DOCK2: variants seen among roughly 807,000 people sequenced by gnomAD.
DOCK2 encodes the protein dedicator of cytokinesis 2.
In DOCK2, 87 loss-of-function variants were observed where a neutral mutation model predicts 248.9. That is an observed-to-expected ratio of 0.35 (90% CI 0.29 to 0.42). The LOEUF is 0.42. Among genes scored for constraint, DOCK2 ranks in the 10% least tolerant of loss-of-function variants. The pLI is 1.00. For synonymous variants in DOCK2, 805 were observed against 821.6 expected, an observed-to-expected ratio of 0.98 and a Z score of 0.35; for missense variants, 1,747 against 2,300.2, an observed-to-expected ratio of 0.76 and a Z score of 4.92.
At chr5:169,830,571 C>T (rs1301771694) in intron 26 of DOCK2, among the ~76,000 whole-genome samples, 1 of 152,160 alleles carries the variant, frequency 6.6e-6, no homozygotes, top group Non-Finnish European at 1.5e-5. Context: ...ATAAGTGTCT[C>T]CAACCAGCCT....
chr5:169,647,912 G>A (rs778411400), intron 1 of DOCK2, among the ~76,000 whole-genome samples: 4 of 152,168 alleles, frequency 2.6e-5, no homozygotes, highest in Non-Finnish European at 5.9e-5. Context: ...AAGCTCAGGA[G>A]AGCAGGAGCC....
At chr5:169,698,957 CA>C (rs1344542293) in intron 11 of DOCK2, among the ~76,000 whole-genome samples, 8 of 152,122 alleles carry the variant, frequency 5.3e-5, no homozygotes, top group African/African-American at 1.9e-4. Context: ...TCTCCTGTTC[CA>C]AAAGGAGTCT....
chr5:169,728,635 C>T (rs1312745499), intron 22 of DOCK2, among the ~76,000 whole-genome samples: 1 of 152,174 alleles, frequency 6.6e-6, no homozygotes, highest in Non-Finnish European at 1.5e-5. Context: ...AACCCTTTCC[C>T]AGAGCTTAGC....
At chr5:169,674,211 C>G (rs1258582172) in intron 5 of DOCK2, 86 bp from the exon 6 acceptor site, 1 of 1,542,168 alleles carries the variant, frequency 6.5e-7, no homozygotes, top group Non-Finnish European at 8.8e-7. Flanking sequence ...CCCTTGACCA[C>G]ACTCACCTGA....
At chr5:169,788,915 G>T (rs1338429000) in intron 25 of DOCK2, among the ~76,000 whole-genome samples, 1 of 152,114 alleles carries the variant, frequency 6.6e-6, no homozygotes, top group African/African-American at 2.4e-5. Context: ...ATGGGGATTT[G>T]TTATGCAGAT....
chr5:170,013,477 C>A (rs540096356), intron 32 of DOCK2, among the ~76,000 whole-genome samples: 2 of 151,956 alleles, frequency 1.3e-5, no homozygotes, highest in African/African-American at 4.8e-5. Flanking sequence ...AGGTGAAAAA[C>A]GGAAGCTGGA....
At chr5:169,717,598 C>T in intron 21 of DOCK2, 114 bp downstream of exon 21, 2 of 922,194 alleles carry the variant, frequency 2.2e-6, no homozygotes, top group Non-Finnish European at 3.5e-6. Flanking sequence ...TGTGAGCTCT[C>T]CATTCTCTAA....
At chr5:170,066,777 A>T (rs1362980647) in intron 44 of DOCK2, among the ~76,000 whole-genome samples, 2 of 152,200 alleles carry the variant, frequency 1.3e-5, no homozygotes, top group East Asian at 1.9e-4. Context: ...TGGAACAGCC[A>T]TTCTCATTCA....
intron 27 of DOCK2, among the ~76,000 whole-genome samples, chr5:169,902,409 A>C (rs986301606): frequency 6.6e-6 from 1 of 152,228 alleles, no homozygotes; most frequent in African/African-American, 2.4e-5. Context: ...TTGCCAAGCC[A>C]CCACAGTAGT....
intron 27 of DOCK2, among the ~76,000 whole-genome samples, chr5:169,843,808 A>G (rs168678): frequency 0.42 from 64,323 of 152,012 alleles, 14,013 homozygotes; most frequent in East Asian, 0.64. Flanking sequence ...CATACAATTC[A>G]AGGTCATTTG....
At chr5:169,812,481 A>G (rs968009350) in intron 26 of DOCK2, among the ~76,000 whole-genome samples, 1 of 152,200 alleles carries the variant, frequency 6.6e-6, no homozygotes, top group African/African-American at 2.4e-5. Context: ...GGTAAATGTA[A>G]TGCACTTGAA....
intron 27 of DOCK2, among the ~76,000 whole-genome samples, chr5:169,965,333 C>G (rs1361688152): frequency 1.3e-5 from 2 of 152,224 alleles, no homozygotes; most frequent in Non-Finnish European, 2.9e-5. Flanking sequence ...GATGCTAATG[C>G]TGCTGGTCCA....
At chr5:169,942,378 T>A (rs1015130838) in intron 27 of DOCK2, among the ~76,000 whole-genome samples, 1 of 152,206 alleles carries the variant, frequency 6.6e-6, no homozygotes, top group Non-Finnish European at 1.5e-5. Flanking sequence ...TATGTAAAGA[T>A]GCCCAGAAAC....
At chr5:169,811,430 A>C (rs997426984) in intron 26 of DOCK2, among the ~76,000 whole-genome samples, 3 of 152,204 alleles carry the variant, frequency 2.0e-5, no homozygotes, top group Non-Finnish European at 4.4e-5. Context: ...AAAGGCAGGG[A>C]GACAAGGCTT....
chr5:169,861,191 T>C (rs944051076), intron 27 of DOCK2, among the ~76,000 whole-genome samples: 3 of 152,182 alleles, frequency 2.0e-5, no homozygotes, highest in African/African-American at 7.2e-5. Context: ...CTTAGAAATA[T>C]ATAGAAGCAA....
At chr5:170,031,985 T>C (rs976702675) in intron 34 of DOCK2, among the ~76,000 whole-genome samples, 2 of 152,032 alleles carry the variant, frequency 1.3e-5, no homozygotes, top group South Asian at 2.1e-4. Flanking sequence ...GTGATCCCCA[T>C]GCACATGGAA....
chr5:169,651,593 G>T (rs1207347034), intron 1 of DOCK2, among the ~76,000 whole-genome samples: 3 of 152,132 alleles, frequency 2.0e-5, no homozygotes, highest in Non-Finnish European at 4.4e-5. Flanking sequence ...AGCCTCAGTT[G>T]CTTCCACCAT....
At chr5:169,710,105 T>C (rs1163211654) in intron 15 of DOCK2, among the ~76,000 whole-genome samples, 1 of 152,230 alleles carries the variant, frequency 6.6e-6, no homozygotes, top group Non-Finnish European at 1.5e-5. Flanking sequence ...GTCATGAACA[T>C]ACTGGAGGGA....
In DOCK2 at chr5:170,045,846, G is replaced by T. The variant is rs1561896025; in HGVS notation, c.3907G>T (p.Glu1303Ter). ...MWEEAISLCKELAEQYEMEIF... is the reference protein window; with the variant it reads ...MWEEAISLCK ...GGAAGAGGCCATAAGTCTGTGCAAG[G>T]AGCTGGCGGAACAGTACGAGATGGA... Residue 1303 changes from glutamate to a stop codon, truncating the protein, a stop_gained, in exon 39 of 52, where the codon GAG becomes TAG. Transcript: ENST00000520908. LOFTEE classifies it high-confidence loss of function. 6.2e-7 allele frequency: 1 copy of T among 1,614,134 alleles called. No homozygotes were observed. Among genetic ancestry groups the T allele is most frequent in the Non-Finnish European group, 8.5e-7 (1 of 1,180,012 alleles).
Sources: gnomAD v4.1 joint callset for allele counts (sites outside exome capture counted in the v4.1 genomes callset) on GRCh38, gnomAD v4.1.1 for gene constraint, MANE v1.5 for transcripts, NCBI Gene and HGNC (gene_info 2026-07-23, HGNC 2026-07-21) for gene names.